RSF1: variants seen among roughly 807,000 people sequenced by gnomAD.
RSF1 encodes HBV pX-associated protein 8.
Under a neutral mutation model 145.2 loss-of-function variants are expected in RSF1, and 13 were observed. The ratio of observed to expected loss-of-function variants is 0.09; its 90% CI spans 0.06 to 0.14. The LOEUF (loss-of-function observed/expected upper bound fraction) is 0.14. Ranked by LOEUF, RSF1 falls within the 10% of genes least tolerant of loss-of-function variation. RSF1 has a pLI of 1.00. For missense variants in RSF1, 1,517 were observed against 1,718.2 expected (o/e 0.88, Z 2.07); for synonymous variants, 577 against 592.6 (o/e 0.97, Z 0.38).
chr11:77,683,253 T>C (rs1959913706), intron 11 of RSF1, among the ~76,000 whole-genome samples: 1 of 152,112 alleles, frequency 6.6e-6, no homozygotes, highest in African/African-American at 2.4e-5. Context: ...ATGGTGCCAC[T>C]GCACTCCAGC....
At chr11:77,855,495 T>C in the RSF1 span, 1 of 193,816 alleles carries the variant, frequency 5.2e-6, no homozygotes, top group Non-Finnish European at 1.1e-5. Context: ...AACTTTTTCT[T>C]TTTTTTTGTA....
chr11:77,768,647 C>A (rs1554995482), intron 1 of RSF1, among the ~76,000 whole-genome samples: 3 of 152,008 alleles, frequency 2.0e-5, no homozygotes, highest in Non-Finnish European at 4.4e-5. Context: ...ATAGTGTAGA[C>A]CCAGCATGCT....
At chr11:77,680,975 G>T (rs1959844143) in intron 11 of RSF1, among the ~76,000 whole-genome samples, 1 of 152,196 alleles carries the variant, frequency 6.6e-6, no homozygotes, top group Admixed American at 6.5e-5. Context: ...CTTTCTTACT[G>T]AGAAATTTGT....
intron 1 of RSF1, among the ~76,000 whole-genome samples, chr11:77,794,975 C>A (rs1017405733): frequency 6.6e-6 from 1 of 152,126 alleles, no homozygotes; most frequent in Non-Finnish European, 1.5e-5. Flanking sequence ...TTACCAAATA[C>A]CTCTTAGAAC....
At chr11:77,780,416 G>C (rs1948390966) in intron 1 of RSF1, among the ~76,000 whole-genome samples, 1 of 152,184 alleles carries the variant, frequency 6.6e-6, no homozygotes, top group Admixed American at 6.5e-5. Context: ...TCAACTTACA[G>C]GTGGACAAGC....
At chr11:77,761,149 C>A (rs1458057743) in intron 2 of RSF1, among the ~76,000 whole-genome samples, 1 of 152,100 alleles carries the variant, frequency 6.6e-6, no homozygotes, top group Non-Finnish European at 1.5e-5. Flanking sequence ...CCATGTTGGT[C>A]AGGATGGTCT....
the RSF1 span, among the ~76,000 whole-genome samples, chr11:77,833,778 G>C: frequency 6.6e-6 from 1 of 152,150 alleles, no homozygotes; most frequent in Non-Finnish European, 1.5e-5. Flanking sequence ...TTGTATTACA[G>C]TTAATCGTAT....
intron 1 of RSF1, among the ~76,000 whole-genome samples, chr11:77,777,529 G>A (rs552484493): frequency 6.6e-6 from 1 of 152,272 alleles, no homozygotes; most frequent in African/African-American, 2.4e-5. Flanking sequence ...GAAGGTGGAG[G>A]TTGTGGTGAG....
intron 1 of RSF1, among the ~76,000 whole-genome samples, chr11:77,803,115 A>C (rs1182908032): frequency 6.6e-6 from 1 of 152,172 alleles, no homozygotes; most frequent in East Asian, 1.9e-4. Context: ...ACGTAGTTTC[A>C]GCCCAACCTC....
chr11:77,872,125 C>G, the RSF1 span: 1 of 1,577,768 alleles, frequency 6.3e-7, no homozygotes, highest in South Asian at 1.2e-5. Flanking sequence ...GTAAAGGAAC[C>G]CCTGGGGGGC....
intron 1 of RSF1, among the ~76,000 whole-genome samples, chr11:77,766,572 A>G (rs1297178831): frequency 6.6e-6 from 1 of 152,132 alleles, no homozygotes; most frequent in African/African-American, 2.4e-5. Flanking sequence ...GATGTGAATT[A>G]TGGGGGGTTA....
At chr11:77,824,804 C>CT (rs923793317), upstream of RSF1, among the ~76,000 whole-genome samples, 9 of 152,180 alleles carry the variant, frequency 5.9e-5, no homozygotes, top group Non-Finnish European at 5.9e-5. Flanking sequence ...TCATTGAACT[C>CT]TATAAACACT....
chr11:77,796,095 C>T (rs1317798984), intron 1 of RSF1, among the ~76,000 whole-genome samples: 1 of 152,064 alleles, frequency 6.6e-6, no homozygotes, highest in Admixed American at 6.6e-5. Context: ...TGATTCTTCT[C>T]TCTTTTCTTT....
rs147024402 is a variant in RSF1 at position 77,701,970 on chromosome 11, T to A, written c.1259A>T (p.Gln420Leu). ...GATCCTTTTACAAGTCTCTTCCTCT[T>A]GTTTTATTTCATCTTTCAAAAACTC... ...TKEFLKDEIK[Q>L]EEETCKRIST... is the part of the protein sequence containing the mutation. The change falls in exon 6 of 16, where the codon CAA (glutamine) becomes CTA (leucine). Residue 420 changes from glutamine to leucine, a missense_variant. Transcript: ENST00000308488. 320 of 1,614,006 alleles carry A rather than the reference T, an allele frequency of 2.0e-4. 1 individual carries two copies. The African/African-American group carries it at 4.0e-3, about 20-fold the overall frequency.
chr11:77,768,383 G>A (rs986432202), intron 1 of RSF1, among the ~76,000 whole-genome samples: 6 of 151,918 alleles, frequency 3.9e-5, no homozygotes, highest in African/African-American at 4.8e-5. Flanking sequence ...GGCTGGTCTC[G>A]AACTCCTGAC....
rs138660432 is a variant in RSF1, at chr11:77,701,410, G to C, written c.1819C>G (p.Pro607Ala). 5.9e-5 allele frequency: 95 copies of C among 1,613,914 alleles called. No individual in the cohort carries two copies. Among genetic ancestry groups the C allele is most frequent in the Middle Eastern group, 4.9e-4 (3 of 6,084 alleles). ...AGAGTACTCTTTGGAACTTCTTCTGGTATTGGACTCAATCTTTGTGCGTCC... is the reference window on the plus strand; with the variant it reads ...AGAGTACTCTTTGGAACTTCTTCTGCTATTGGACTCAATCTTTGTGCGTCC... ...DKDAQRLSPIPEEVPKSTLES... is the reference protein window; with the variant it reads ...DKDAQRLSPIAEEVPKSTLES... Residue 607 changes from proline (P) to alanine (A), a missense_variant, in exon 6 of 16, where the codon CCA becomes GCA. Pro to Ala is a conservative substitution (Grantham distance 27). Around this residue, in one of 12 missense-constraint regions of RSF1, gnomAD observed 579 missense variants for 553.5 expected, o/e 1.05. Coordinates refer to ENST00000308488, the MANE Select transcript of RSF1 (RefSeq NM_016578.4).
At chr11:77,678,559 C>G (rs190448572) in intron 11 of RSF1, among the ~76,000 whole-genome samples, 3 of 152,230 alleles carry the variant, frequency 2.0e-5, no homozygotes, top group Admixed American at 2.0e-4. Flanking sequence ...CTGTTACTGT[C>G]TGATTGTTTA....
the RSF1 span, among the ~76,000 whole-genome samples, chr11:77,841,659 G>T: frequency 6.6e-6 from 1 of 152,108 alleles, no homozygotes; most frequent in African/African-American, 2.4e-5. Context: ...GGTGTCTTGG[G>T]TCTATCTTCC....
chr11:77,812,266 G>C (rs1421091449), intron 1 of RSF1, among the ~76,000 whole-genome samples: 3 of 152,008 alleles, frequency 2.0e-5, no homozygotes, highest in African/African-American at 7.2e-5. Context: ...TAGTTTTTTG[G>C]TGATTATCAA....
Sources: gnomAD v4.1 joint callset for allele counts (sites outside exome capture counted in the v4.1 genomes callset) on GRCh38, gnomAD v4.1.1 for gene constraint, gnomAD v4.1.1 regional missense constraint, MANE v1.5 for transcripts, NCBI Gene and HGNC (gene_info 2026-07-23, HGNC 2026-07-21) for gene names.